The following RAD51B variants were observed in gnomAD, a reference collection of about 807,000 sequenced individuals.
RAD51B encodes RAD51 paralog B.
A neutral mutation model predicts 42.2 loss-of-function variants in RAD51B; 38 were observed. The observed-to-expected ratio is 0.90, with a 90% confidence interval of 0.70 to 1.18. The LOEUF (loss-of-function observed/expected upper bound fraction) is 1.18. RAD51B is among the 50% of genes most tolerant of loss of function. The pLI is 0.00. For synonymous variants in RAD51B, 154 were observed against 145.2 expected (o/e 1.06, Z -0.43); for missense variants, 373 against 400.7 (o/e 0.93, Z 0.59).
intron 7 of RAD51B, among the ~76,000 whole-genome samples, chr14:68,178,863 A>G (rs1595515114): frequency 6.6e-6 from 1 of 152,264 alleles, no homozygotes; most frequent in East Asian, 1.9e-4. Context: ...AACCTGAAAA[A>G]CAAAAAATCA....
chr14:68,406,369 T>C (rs766670151), intron 8 of RAD51B, among the ~76,000 whole-genome samples: 15 of 152,242 alleles, frequency 9.9e-5, no homozygotes, highest in Non-Finnish European at 2.1e-4. Flanking sequence ...TACAGACCCA[T>C]TCAGCATGTT....
intron 7 of RAD51B, among the ~76,000 whole-genome samples, chr14:68,269,379 C>T (rs569115538): frequency 6.6e-6 from 1 of 152,328 alleles, no homozygotes; most frequent in Admixed American, 6.5e-5. Flanking sequence ...CCACCTCTTG[C>T]AGTAATTCCA....
chr14:68,445,063 G>A (rs1283996905), intron 9 of RAD51B, among the ~76,000 whole-genome samples: 1 of 152,084 alleles, frequency 6.6e-6, no homozygotes, highest in Non-Finnish European at 1.5e-5. Flanking sequence ...TCCTCTCATG[G>A]CACTGTTTAT....
chr14:68,428,935 G>A (rs2084928749), intron 9 of RAD51B, among the ~76,000 whole-genome samples: 1 of 147,934 alleles, frequency 6.8e-6, no homozygotes. Context: ...GCCCCAGTGT[G>A]TGATCTTCCC....
At chr14:68,675,983 A>G (rs913611789) in intron 11 of RAD51B, among the ~76,000 whole-genome samples, 1 of 152,236 alleles carries the variant, frequency 6.6e-6, no homozygotes, top group African/African-American at 2.4e-5. Flanking sequence ...TGAGAAAGTC[A>G]GAAAAATGGA....
intron 7 of RAD51B, among the ~76,000 whole-genome samples, chr14:67,939,736 A>G (rs978530639): frequency 1.3e-5 from 2 of 151,956 alleles, no homozygotes; most frequent in African/African-American, 4.8e-5. Flanking sequence ...ATGTCTTCAC[A>G]TGGCTGTTCC....
At chr14:68,648,126 CACACACGTATATATATATAT>C (rs1892618107) in intron 10 of RAD51B, among the ~76,000 whole-genome samples, 4 of 95,602 alleles carry the variant, frequency 4.2e-5, no homozygotes, top group South Asian at 3.3e-4. Flanking sequence ...TATATATATA[CACACACGTATATATATATAT>C]ACACACACGT....
At chr14:68,183,860 G>A (rs1168646638) in intron 7 of RAD51B, among the ~76,000 whole-genome samples, 2 of 152,174 alleles carry the variant, frequency 1.3e-5, no homozygotes, top group African/African-American at 2.4e-5. Flanking sequence ...TTGGGAGGCC[G>A]AGGCAAGCTG....
chr14:68,230,656 G>A (rs1403844255), intron 7 of RAD51B, among the ~76,000 whole-genome samples: 2 of 152,184 alleles, frequency 1.3e-5, no homozygotes, highest in African/African-American at 4.8e-5. Context: ...TACAGTGAGG[G>A]AATAGATTCA....
chr14:67,878,055 T>C (rs2140030505), intron 5 of RAD51B, among the ~76,000 whole-genome samples: 1 of 152,362 alleles, frequency 6.6e-6, no homozygotes, highest in South Asian at 2.1e-4. Flanking sequence ...TATCAAGATA[T>C]TGTCTTACAG....
In RAD51B at chr14:68,556,311, T is replaced by C. The variant is rs552510502; in HGVS notation, c.1037-38174T>C. Among the ~76,000 whole-genome samples, 45 of 152,216 alleles carry C rather than the reference T, an allele frequency of 3.0e-4. No individual in the cohort carries two copies. The Middle Eastern group carries it at 0.024, about 81-fold the overall frequency. ...GCCTGTTGGACTTTCCTATCCTACT[T>C]TGGGACTCTTCCTTCCCAGGGCCTT... On this transcript the variant is annotated intron_variant, in intron 10 of 10. Coordinates refer to the RAD51B transcript ENST00000487270.
At chr14:67,944,943 TTGGATAAGCCAGAGA>T (rs2045339455) in intron 7 of RAD51B, among the ~76,000 whole-genome samples, 2 of 152,192 alleles carry the variant, frequency 1.3e-5, no homozygotes, top group Admixed American at 1.3e-4. Context: ...ATTGTGATTG[TTGGATAAGCCAGAGA>T]GCCCTTTCAC....
chr14:68,063,253 T>C (rs1016305254), intron 7 of RAD51B, among the ~76,000 whole-genome samples: 1 of 152,210 alleles, frequency 6.6e-6, no homozygotes, highest in Non-Finnish European at 1.5e-5. Context: ...TTATTATTTC[T>C]TTCTAATATG....
chr14:68,669,316 A>G (rs1184091606), intron 11 of RAD51B, among the ~76,000 whole-genome samples: 1 of 152,182 alleles, frequency 6.6e-6, no homozygotes, highest in African/African-American at 2.4e-5. Flanking sequence ...GGCACCTAGA[A>G]AGTGTCTAAA....
rs79574117 is a variant in RAD51B at position 68,331,966 on chromosome 14, T to C, written c.853+39986T>C. Among the ~76,000 whole-genome samples the C allele has an allele frequency of 7.4e-3, 1,125 of 152,262 alleles. 10 individuals carry two copies. The highest frequency in any genetic ancestry group is 0.024 in the African/African-American group (980 of 41,542). On this transcript the variant is annotated intron_variant, in intron 8 of 10. Coordinates refer to ENST00000471583, the MANE Select transcript of RAD51B (RefSeq NM_133510.4). ...TACCCCATTCATATGCATTTTCCAA[T>C]TGAATTATGGAAGAAAAATTAACTT...
At chr14:68,079,541 A>G (rs1370580514) in intron 7 of RAD51B, among the ~76,000 whole-genome samples, 1 of 152,202 alleles carries the variant, frequency 6.6e-6, no homozygotes, top group Non-Finnish European at 1.5e-5. Context: ...TATTAGTTGT[A>G]GTATATAATA....
chr14:68,568,085 A>G (rs1202890181), intron 10 of RAD51B, among the ~76,000 whole-genome samples: 1 of 152,248 alleles, frequency 6.6e-6, no homozygotes, highest in Non-Finnish European at 1.5e-5. Flanking sequence ...TCTTCAGGTG[A>G]TTATTGAACA....
intron 10 of RAD51B, among the ~76,000 whole-genome samples, chr14:68,502,972 G>T (rs746323153): frequency 2.0e-5 from 3 of 152,222 alleles, no homozygotes; most frequent in Non-Finnish European, 4.4e-5. Flanking sequence ...TTGGAAGGCT[G>T]TGTTGGTTCT....
chr14:68,189,955 T>G (rs2079230377), intron 7 of RAD51B, among the ~76,000 whole-genome samples: 1 of 152,166 alleles, frequency 6.6e-6, no homozygotes. Context: ...CATGAGCCAC[T>G]GCACCTGGCC....
Sources: allele counts gnomAD v4.1 joint callset (sites outside exome capture counted in the v4.1 genomes callset), GRCh38; gene constraint gnomAD v4.1.1; transcripts MANE v1.5; gene names NCBI Gene and HGNC (gene_info 2026-07-23, HGNC 2026-07-21).